PARP1: variants seen among roughly 807,000 people sequenced by gnomAD.
PARP1 encodes poly [ADP-ribose] polymerase 1.
In PARP1, 44 loss-of-function variants were observed where a neutral mutation model predicts 118.7. The ratio of observed to expected loss-of-function variants is 0.37; its 90% CI spans 0.29 to 0.48. PARP1 has a LOEUF of 0.48. PARP1 is among the 20% of genes least tolerant of loss of function. The pLI, the probability that PARP1 is intolerant of heterozygous loss-of-function variation, is 0.99. For missense variants in PARP1, 1,100 were observed against 1,272.4 expected, an observed-to-expected ratio of 0.86 and a Z score of 2.06; for synonymous variants, 492 against 483.2, an observed-to-expected ratio of 1.02 and a Z score of -0.24.
At chr1:226,368,743 G>T (rs1230690675) in intron 15 of PARP1, among the ~76,000 whole-genome samples, 1 of 147,960 alleles carries the variant, frequency 6.8e-6, no homozygotes, top group African/African-American at 2.7e-5. Flanking sequence ...ATAAAATTCA[G>T]TCAGGCTCCC....
rs147105590 is a variant in PARP1 at position 226,402,285 on chromosome 1, T to G, written c.215A>C (p.Asp72Ala). Reference protein sequence around the residue: ...HSIRHPDVEVDGFSELRWDDQ... With the variant: ...HSIRHPDVEVAGFSELRWDDQ... ...ATCCCACCGAAGCTCAGAGAACCCA[T>G]CCACCTCAACGTCAGGGTGCCGGAT... Residue 72 changes from aspartate to alanine, a missense_variant, in exon 2 of 23, where the codon GAT (aspartate) becomes GCT (alanine). By Grantham distance (126) the Asp-to-Ala change is moderately radical. This residue lies in a region of PARP1 where 948 missense variants were observed against 1,031.8 expected (regional missense o/e 0.92). Coordinates refer to ENST00000366794, the MANE Select transcript of PARP1 (RefSeq NM_001618.4). 3 of 1,614,148 alleles carry G rather than the reference T, an allele frequency of 1.9e-6. No individual in the cohort carries two copies. Among genetic ancestry groups the G allele is most frequent in the Non-Finnish European group, 2.5e-6 (3 of 1,180,044 alleles).
chr1:226,386,179 G>A (rs1664712764), intron 6 of PARP1, 147 bp downstream of exon 6: 12 of 694,138 alleles, frequency 1.7e-5, no homozygotes, highest in South Asian at 4.5e-5. Context: ...GGTGATGACC[G>A]TGCAACACAA....
At chr1:226,398,272 G>A (rs1375402378) in intron 2 of PARP1, among the ~76,000 whole-genome samples, 1 of 152,124 alleles carries the variant, frequency 6.6e-6, no homozygotes, top group East Asian at 1.9e-4. Flanking sequence ...AATATACCAA[G>A]AACTCTTAGG....
rs370515519 is a variant in PARP1, at chr1:226,407,806, G to A, written c.120+4C>T. The A allele has an allele frequency of 1.4e-5, 21 of 1,516,770 alleles. No individual in the cohort carries two copies. The African/African-American group carries it at 2.1e-4, about 15-fold the overall frequency. 94.0% of individuals were successfully genotyped at this position (1,516,770 alleles called of 1,614,324 possible). On this transcript the variant is annotated splice_donor_region_variant and intron_variant, in intron 1 of 22. Coordinates refer to ENST00000366794, the MANE Select transcript of PARP1 (RefSeq NM_001618.4). The stretch of plus-strand genomic sequence containing the variant: ...CGCCCCGCCGCCCGCACAGCGGCCC[G>A]CACCTGCACCATGATGGCCATCCGG...
At chr1:226,395,714 GGCATATTCGT>G (rs1243590120) in intron 2 of PARP1, among the ~76,000 whole-genome samples, 1 of 152,160 alleles carries the variant, frequency 6.6e-6, no homozygotes, top group Non-Finnish European at 1.5e-5. Flanking sequence ...AATGAAATAT[GGCATATTCGT>G]GCAATTAATG....
At chr1:226,367,871 C>CTGTA (rs1256719859) in intron 16 of PARP1, among the ~76,000 whole-genome samples, 1 of 152,194 alleles carries the variant, frequency 6.6e-6, no homozygotes, top group Non-Finnish European at 1.5e-5. Flanking sequence ...CATTTGGGAC[C>CTGTA]TACAGTGAAG....
chr1:226,390,343 A>T, intron 4 of PARP1, 67 bp downstream of exon 4: 1 of 1,346,622 alleles, frequency 7.4e-7, no homozygotes. Context: ...TGGAACCTGT[A>T]GGGCCTTTGG....
At chr1:226,376,932 C>G (rs1664499438) in intron 13 of PARP1, among the ~76,000 whole-genome samples, 176 bp downstream of exon 13, 3 of 152,120 alleles carry the variant, frequency 2.0e-5, no homozygotes, top group Admixed American at 2.0e-4. Context: ...ATGCAATGAG[C>G]TGGGAAGTAT....
At chr1:226,401,245 C>T (rs1665029510) in intron 2 of PARP1, among the ~76,000 whole-genome samples, 1 of 152,210 alleles carries the variant, frequency 6.6e-6, no homozygotes, top group Non-Finnish European at 1.5e-5. Context: ...GGGTCCTTGG[C>T]TTCGCTCTGG....
chr1:226,391,021 AG>A (rs1664812046), intron 3 of PARP1, among the ~76,000 whole-genome samples: 1 of 102,300 alleles, frequency 9.8e-6, no homozygotes, highest in East Asian at 2.6e-4. Flanking sequence ...TTTTTTTTTG[AG>A]ACAGGGTCTT....
chr1:226,405,521 G>A (rs985635211), intron 1 of PARP1, among the ~76,000 whole-genome samples: 1 of 152,044 alleles, frequency 6.6e-6, no homozygotes, highest in African/African-American at 2.4e-5. Context: ...GGCCAGGCTG[G>A]TCTCAAACTG....
rs749562125 is a variant in PARP1, at chr1:226,361,410, G to A, written c.*50C>T. The A allele has an allele frequency of 4.1e-5, 51 of 1,251,818 alleles. No homozygotes were observed. Among genetic ancestry groups the A allele is most frequent in the South Asian group, 3.9e-4 (32 of 83,074 alleles). 77.5% of individuals were successfully genotyped at this position (1,251,818 alleles called of 1,614,324 possible). A position where few individuals can be genotyped will look rare whatever the true frequency, so the allele number is the denominator to read the frequency against. On this transcript the variant is annotated 3_prime_UTR_variant, in exon 23 of 23. Transcript: ENST00000366794. The stretch of plus-strand genomic sequence containing the variant: ...AGGTGAGTTGGTGCAGAAGCGCTTC[G>A]GGTGAATTCATACCAGAGCCACCGG...
intron 4 of PARP1, among the ~76,000 whole-genome samples, chr1:226,389,798 A>G (rs1377066348): frequency 2.0e-5 from 3 of 152,136 alleles, no homozygotes; most frequent in Non-Finnish European, 4.4e-5. Context: ...GCTCTGCCAC[A>G]CCACCCCTGG....
chr1:226,382,960 G>C lies in PARP1; in HGVS notation c.1159+76C>G, dbSNP rs1664646687. 3 of 1,511,926 alleles carry C rather than the reference G, an allele frequency of 2.0e-6. No individual in the cohort carries two copies. In the South Asian group the frequency reaches 3.4e-5, roughly 17 times the overall value. 93.7% of individuals were successfully genotyped at this position (1,511,926 alleles called of 1,614,324 possible). On this transcript the variant is annotated intron_variant, in intron 8 of 22. Transcript: ENST00000366794. ...CCCTTGACGGATACTTTCTTCACCA[G>C]CTCCACACCACCAGCAAGTAGTGGG...
chr1:226,367,355 T>C (rs1187707862), intron 17 of PARP1, 125 bp downstream of exon 17: 1 of 1,185,800 alleles, frequency 8.4e-7, no homozygotes, highest in Non-Finnish European at 1.3e-6. Flanking sequence ...GAAAAGTGAA[T>C]TATTGGGCGC....
Position 226,383,065 on chromosome 1 carries a change from G to A in PARP1, c.1130C>T (p.Pro377Leu). The A allele has an allele frequency of 1.9e-6, 3 of 1,612,974 alleles. No homozygotes were observed. Among genetic ancestry groups the A allele is most frequent in the Non-Finnish European group, 2.5e-6 (3 of 1,180,046 alleles). The change falls in exon 8 of 23, where the codon CCT (proline) becomes CTT (leucine). Residue 377 changes from proline (P) to leucine (L), a missense_variant. By Grantham distance (98) the Pro-to-Leu change is moderately conservative. Around this residue, in one of 2 missense-constraint regions of PARP1, gnomAD observed 948 missense variants for 1,031.8 expected, o/e 0.92. Transcript: ENST00000366794. ...ATPPPSTASA[P>L]AAVNSSASAD... ...TGAAGCAGAGGAGTTCACAGCAGCA[G>A]GAGCCGAGGCTGTGGAGGGCGGAGG...
At chr1:226,395,890 C>T (rs1428691292) in intron 2 of PARP1, among the ~76,000 whole-genome samples, 2 of 152,138 alleles carry the variant, frequency 1.3e-5, no homozygotes, top group African/African-American at 4.8e-5. Context: ...TTCACAGAGA[C>T]AGAAGCAACA....
Position 226,363,982 on chromosome 1 carries a change from A to G in PARP1, c.2747T>C (p.Ile916Thr). 3 of 1,613,790 alleles carry G rather than the reference A, an allele frequency of 1.9e-6. No homozygotes were observed. The highest frequency in any genetic ancestry group is 2.5e-6 in the Non-Finnish European group (3 of 1,179,680). Residue 916 changes from isoleucine to threonine, a missense_variant, in exon 20 of 23, where the codon ATA becomes ACA. Ile to Thr is a moderately conservative substitution (Grantham distance 89). Transcript: ENST00000366794. The part of the protein sequence containing the change: ...NYCHTSQGDP[I>T]GLILLGEVAL... ...AACTTCTCCCAACAGGATTAAGCCT[A>G]TTGGGTCTCCCTGAGACGTATGGCA...
intron 8 of PARP1, among the ~76,000 whole-genome samples, chr1:226,382,200 T>A (rs1664622683): frequency 6.6e-6 from 1 of 152,232 alleles, no homozygotes; most frequent in Non-Finnish European, 1.5e-5. Flanking sequence ...ACCAATAGAC[T>A]ATGCCACATG....
Sources: allele counts gnomAD v4.1 joint callset (sites outside exome capture counted in the v4.1 genomes callset), GRCh38; gene constraint gnomAD v4.1.1; regional missense constraint gnomAD v4.1.1; transcripts MANE v1.5; gene names NCBI Gene and HGNC (gene_info 2026-07-23, HGNC 2026-07-21).